ADGRL3: variants seen among roughly 807,000 people sequenced by gnomAD.
ADGRL3 encodes calcium-independent alpha-latrotoxin receptor 3.
In ADGRL3, 62 loss-of-function variants were observed where a neutral mutation model predicts 153.5. That is an observed-to-expected ratio of 0.40 (90% CI 0.33 to 0.50). The LOEUF (loss-of-function observed/expected upper bound fraction) is 0.50. ADGRL3 is among the 20% of genes least tolerant of loss of function. The probability of loss-of-function intolerance (pLI) is 0.47; values close to 1 mark genes in which losing one functional copy is unlikely to be tolerated. For synonymous variants in ADGRL3, 710 were observed against 672.5 expected (o/e 1.06, Z -0.86); for missense variants, 1,641 against 1,859.4 (o/e 0.88, Z 2.16).
At chr4:61,218,820 A>G (rs6825047) in intron 1 of ADGRL3, among the ~76,000 whole-genome samples, 93,432 of 152,072 alleles carry the variant, frequency 0.61, 29,272 homozygotes, top group East Asian at 0.69. Flanking sequence ...ATTGAGAGAA[A>G]TGGTATGAGA....
chr4:61,950,954 T>C (rs2098944910), intron 17 of ADGRL3, among the ~76,000 whole-genome samples: 1 of 152,220 alleles, frequency 6.6e-6, no homozygotes, highest in South Asian at 2.1e-4. Context: ...ATAACAAGAA[T>C]AACCCAATTC....
At chr4:61,625,703 A>T (rs950719766) in intron 5 of ADGRL3, among the ~76,000 whole-genome samples, 3 of 152,088 alleles carry the variant, frequency 2.0e-5, no homozygotes, top group Non-Finnish European at 2.9e-5. Flanking sequence ...AGGTCAATAC[A>T]GGGTGATACA....
intron 9 of ADGRL3, among the ~76,000 whole-genome samples, chr4:61,832,652 C>T (rs927548308): frequency 6.6e-6 from 1 of 152,112 alleles, no homozygotes; most frequent in Non-Finnish European, 1.5e-5. Context: ...CTTTCCTTAT[C>T]ATCTGATATG....
At chr4:61,805,188 C>A (rs1346958570) in intron 8 of ADGRL3, among the ~76,000 whole-genome samples, 1 of 151,952 alleles carries the variant, frequency 6.6e-6, no homozygotes, top group Admixed American at 6.6e-5. Context: ...GTGATCCGCC[C>A]GCCTCGGTCT....
At chr4:61,907,919 G>A (rs967984181) in intron 11 of ADGRL3, among the ~76,000 whole-genome samples, 7 of 152,052 alleles carry the variant, frequency 4.6e-5, no homozygotes, top group South Asian at 4.1e-4. Flanking sequence ...AGCAAGTCCC[G>A]GCCTTATTTT....
At chr4:61,560,525 GAGCACCTGT>G (rs1207858572) in intron 4 of ADGRL3, among the ~76,000 whole-genome samples, 1 of 152,066 alleles carries the variant, frequency 6.6e-6, no homozygotes, top group Non-Finnish European at 1.5e-5. Flanking sequence ...GGGACAATCT[GAGCACCTGT>G]AGTAACTATG....
chr4:61,375,960 G>C (rs941316171), intron 1 of ADGRL3, among the ~76,000 whole-genome samples: 4 of 151,980 alleles, frequency 2.6e-5, no homozygotes, highest in Non-Finnish European at 5.9e-5. Context: ...CTTGTATTTT[G>C]AACAATATTT....
chr4:62,031,710 T>A, intron 23 of ADGRL3, 100 bp downstream of exon 23: 2 of 797,612 alleles, frequency 2.5e-6, no homozygotes, highest in Non-Finnish European at 3.8e-6. Context: ...TATGTTTGTC[T>A]ACAAGAAATA....
chr4:61,567,766 G>A (rs1013201059), intron 4 of ADGRL3, among the ~76,000 whole-genome samples: 1 of 152,136 alleles, frequency 6.6e-6, no homozygotes, highest in Non-Finnish European at 1.5e-5. Flanking sequence ...TACATAAGTA[G>A]GGAAAATAGA....
intron 9 of ADGRL3, among the ~76,000 whole-genome samples, chr4:61,821,244 A>G (rs1032210323): frequency 3.3e-5 from 5 of 151,628 alleles, no homozygotes; most frequent in Admixed American, 6.6e-5. Context: ...CTAATGCCAT[A>G]CTAATGATGC....
At chr4:61,961,479 A>C (rs955788242) in intron 17 of ADGRL3, among the ~76,000 whole-genome samples, 6 of 152,176 alleles carry the variant, frequency 3.9e-5, no homozygotes, top group African/African-American at 9.7e-5. Flanking sequence ...CTGTTATAAA[A>C]CAGGAAAAGG....
At chr4:61,986,664 C>T (rs1404511175) in intron 19 of ADGRL3, among the ~76,000 whole-genome samples, 1 of 151,618 alleles carries the variant, frequency 6.6e-6, no homozygotes, top group African/African-American at 2.4e-5. Context: ...AAAACAGATA[C>T]AAAGAAAAGG....
chr4:62,031,984 CACACACACAT>C (rs765851977), intron 23 of ADGRL3, among the ~76,000 whole-genome samples: 2,060 of 142,914 alleles, frequency 0.014, 14 homozygotes, highest in Middle Eastern at 0.039. Flanking sequence ...CACACACACA[CACACACACAT>C]GGATATATAT....
In ADGRL3 at chr4:61,892,939, A is replaced by G; in HGVS notation, c.1764A>G (p.Pro588=). ...KTRQGQIAKQ[P]CPAGTIGVST... ...GTCAAGGACAGATAGCAAAGCAGCC[A>G]TGCCCTGCAGGAACTATAGGTAAGT... Residue 588 remains proline (P), a synonymous_variant, in exon 10 of 27, where the codon CCA becomes CCG. Coordinates refer to ENST00000683033, the MANE Select transcript of ADGRL3 (RefSeq NM_001387552.1). 6.5e-7 allele frequency: 1 copy of G among 1,533,906 alleles called. No homozygotes were observed. The highest frequency in any genetic ancestry group is 8.7e-7 in the Non-Finnish European group (1 of 1,145,110).
At position 61,733,355 on chromosome 4, in the gene ADGRL3, T is replaced by C. The variant is rs375010495; in HGVS notation, c.1200T>C (p.Asn400=). Residue 400 remains asparagine, a synonymous_variant, in exon 8 of 27, where the codon AAT becomes AAC. Coordinates refer to ENST00000683033, the MANE Select transcript of ADGRL3 (RefSeq NM_001387552.1). ...AATCTGTATATGAGGATGATGACAA[T>C]GAGGCTACTGGAAATAAGATTGACT... is the stretch of plus-strand genomic sequence containing the variant. ...VVKSVYEDDD[N]EATGNKIDYI... 1,223 of 1,613,750 alleles carry C rather than the reference T, an allele frequency of 7.6e-4. 2 individuals are homozygous for C. Among genetic ancestry groups the C allele is most frequent in the Non-Finnish European group, 9.8e-4 (1,154 of 1,179,820 alleles).
At chr4:61,862,522 A>T (rs116136350) in intron 9 of ADGRL3, among the ~76,000 whole-genome samples, 727 of 152,298 alleles carry the variant, frequency 4.8e-3, no homozygotes, top group African/African-American at 0.016. Context: ...GGTAAAACAA[A>T]GCCTGTAGTT....
intron 1 of ADGRL3, among the ~76,000 whole-genome samples, chr4:61,241,326 A>G (rs1162776717): frequency 6.6e-6 from 1 of 151,976 alleles, no homozygotes; most frequent in Non-Finnish European, 1.5e-5. Context: ...TTGAAAGAGG[A>G]TATGTGGTTC....
chr4:61,288,262 G>C (rs905416572), intron 1 of ADGRL3, among the ~76,000 whole-genome samples: 1 of 151,776 alleles, frequency 6.6e-6, no homozygotes, highest in Non-Finnish European at 1.5e-5. Context: ...GAATCCTTTT[G>C]ACTATACATA....
intron 8 of ADGRL3, among the ~76,000 whole-genome samples, chr4:61,769,459 A>G (rs1487537362): frequency 6.9e-6 from 1 of 144,650 alleles, no homozygotes; most frequent in Non-Finnish European, 1.5e-5. Flanking sequence ...TCGTAGGTGG[A>G]TCTTTCTCAC....
Sources: allele counts gnomAD v4.1 joint callset (sites outside exome capture counted in the v4.1 genomes callset), GRCh38; gene constraint gnomAD v4.1.1; transcripts MANE v1.5; gene names NCBI Gene and HGNC (gene_info 2026-07-23, HGNC 2026-07-21).